The following BBX variants were observed in gnomAD, a reference collection of about 807,000 sequenced individuals.
BBX encodes the protein HMG box transcription factor BBX.
A neutral mutation model predicts 100.2 loss-of-function variants in BBX; 30 were observed. The ratio of observed to expected loss-of-function variants is 0.30; its 90% CI spans 0.22 to 0.41. The LOEUF (loss-of-function observed/expected upper bound fraction) is 0.41, where lower values mean the gene tolerates loss of function less well. Ranked by LOEUF, BBX falls within the 10% of genes least tolerant of loss-of-function variation. The probability of loss-of-function intolerance (pLI) is 1.00; values close to 1 mark genes in which losing one functional copy is unlikely to be tolerated. For synonymous variants in BBX, 376 were observed against 388.1 expected, an observed-to-expected ratio of 0.97 and a Z score of 0.37; for missense variants, 1,023 against 1,129.8, an observed-to-expected ratio of 0.91 and a Z score of 1.35.
rs1446344219 is a variant in BBX at position 107,716,824 on chromosome 3, A to G, written c.380A>G (p.Gln127Arg). Residue 127 changes from glutamine to arginine, a missense_variant, in exon 5 of 18, where the codon CAG (glutamine) becomes CGG (arginine). Gln to Arg is a conservative substitution (Grantham distance 43). Around this residue, in one of 9 missense-constraint regions of BBX, gnomAD observed 229 missense variants for 226.3 expected, o/e 1.01. Transcript: ENST00000325805. The stretch of plus-strand genomic sequence containing the variant: ...GCTGTTCTTGATCCAAAGGAAAAGC[A>G]GAAATACACAGACATGGCCAAGGAG... Reference protein sequence around the residue: ...WWAVLDPKEKQKYTDMAKEYK... With the variant: ...WWAVLDPKEKRKYTDMAKEYK... 13 of 1,613,602 alleles carry G rather than the reference A, an allele frequency of 8.1e-6. No homozygotes were observed. Among genetic ancestry groups the G allele is most frequent in the Non-Finnish European group, 1.1e-5 (13 of 1,179,596 alleles).
At chr3:107,576,427 G>A (rs999142021) in intron 2 of BBX, among the ~76,000 whole-genome samples, 1 of 152,046 alleles carries the variant, frequency 6.6e-6, no homozygotes, top group Admixed American at 6.5e-5. Flanking sequence ...AGAAGATGTT[G>A]TCTGAAAATT....
At chr3:107,548,415 A>G (rs1389997563) in intron 2 of BBX, among the ~76,000 whole-genome samples, 1 of 152,172 alleles carries the variant, frequency 6.6e-6, no homozygotes, top group East Asian at 1.9e-4. Flanking sequence ...TAATTTATGA[A>G]TGAGAAAAAC....
At chr3:107,524,271 A>G (rs1477795635) in intron 1 of BBX, 2 of 152,152 alleles carry the variant, frequency 1.3e-5, no homozygotes, top group African/African-American at 4.8e-5. Context: ...CGATGCCTCT[A>G]GAAAGAGCTC....
At chr3:107,626,496 A>G (rs2056185480) in intron 2 of BBX, among the ~76,000 whole-genome samples, 1 of 152,128 alleles carries the variant, frequency 6.6e-6, no homozygotes, top group African/African-American at 2.4e-5. Flanking sequence ...GTATCTCATG[A>G]AGTACAGTCA....
chr3:107,772,212 A>G (rs1395622626), intron 10 of BBX, among the ~76,000 whole-genome samples: 1 of 152,194 alleles, frequency 6.6e-6, no homozygotes, highest in Non-Finnish European at 1.5e-5. Context: ...ATCCTCTGAG[A>G]TAGGTCCTAG....
intron 3 of BBX, among the ~76,000 whole-genome samples, chr3:107,698,370 A>T (rs1251917063): frequency 6.6e-6 from 1 of 151,762 alleles, no homozygotes; most frequent in Non-Finnish European, 1.5e-5. Flanking sequence ...TCAAAGAGCT[A>T]GGCCAGATGC....
chr3:107,674,672 C>G (rs1255574330), intron 3 of BBX: 1 of 152,622 alleles, frequency 6.6e-6, no homozygotes, highest in Admixed American at 6.5e-5. Context: ...GCTCCCACAG[C>G]AGTTTGTATA....
intron 7 of BBX, among the ~76,000 whole-genome samples, chr3:107,739,285 C>T (rs185020737): frequency 2.0e-5 from 3 of 152,282 alleles, no homozygotes; most frequent in Admixed American, 6.5e-5. Context: ...ACTCCTTGCC[C>T]CAGTTCCTAC....
chr3:107,648,573 C>T (rs2057661961), intron 3 of BBX, among the ~76,000 whole-genome samples: 1 of 151,948 alleles, frequency 6.6e-6, no homozygotes. Flanking sequence ...TAACGGGAGC[C>T]AAATACCTTT....
chr3:107,564,756 T>C (rs962607644), intron 2 of BBX, among the ~76,000 whole-genome samples: 1 of 152,246 alleles, frequency 6.6e-6, no homozygotes, highest in Non-Finnish European at 1.5e-5. Flanking sequence ...GATTGACTTA[T>C]AGCTTTATAA....
intron 3 of BBX, among the ~76,000 whole-genome samples, chr3:107,690,418 C>G (rs1373292183): frequency 2.0e-5 from 3 of 152,082 alleles, no homozygotes; most frequent in African/African-American, 7.2e-5. Flanking sequence ...GTTGGAGATT[C>G]CAATTAGAAA....
chr3:107,700,414 C>CATTATT (rs71113690), intron 3 of BBX, among the ~76,000 whole-genome samples: 21 of 70,102 alleles, frequency 3.0e-4, no homozygotes, highest in African/African-American at 5.8e-4. Flanking sequence ...CTTTCATCAT[C>CATTATT]ATTATTATTA....
chr3:107,548,392 C>T (rs1245998518), intron 2 of BBX, among the ~76,000 whole-genome samples: 1 of 152,060 alleles, frequency 6.6e-6, no homozygotes, highest in Non-Finnish European at 1.5e-5. Context: ...TATAAGCATA[C>T]TATGTGGTCT....
At chr3:107,751,043 A>T (rs1257332566) in intron 9 of BBX, among the ~76,000 whole-genome samples, 1 of 152,220 alleles carries the variant, frequency 6.6e-6, no homozygotes, top group Non-Finnish European at 1.5e-5. Context: ...GTTTCCTATT[A>T]GAGAACCACA....
intron 7 of BBX, 76 bp downstream of exon 7, chr3:107,733,099 T>C: frequency 2.3e-6 from 3 of 1,288,260 alleles, no homozygotes; most frequent in South Asian, 2.6e-5. Flanking sequence ...TTTACGTTGT[T>C]CATTCTGCAT....
At chr3:107,689,563 T>G (rs1470511657) in intron 3 of BBX, among the ~76,000 whole-genome samples, 1 of 152,212 alleles carries the variant, frequency 6.6e-6, no homozygotes, top group Non-Finnish European at 1.5e-5. Flanking sequence ...AGCTGCAGCA[T>G]CAATATTTAC....
At chr3:107,650,818 C>T (rs956957676) in intron 3 of BBX, among the ~76,000 whole-genome samples, 50 of 152,104 alleles carry the variant, frequency 3.3e-4, no homozygotes, top group African/African-American at 1.1e-3. Context: ...AAGTGTCAGA[C>T]TGGGTGGTTT....
intron 3 of BBX, among the ~76,000 whole-genome samples, chr3:107,697,872 G>A (rs542613950): frequency 3.3e-5 from 5 of 152,024 alleles, no homozygotes; most frequent in East Asian, 1.9e-4. Flanking sequence ...ACGACCCTCC[G>A]AGCCAGGTGT....
chr3:107,712,430 G>T (rs1296254759), intron 4 of BBX, among the ~76,000 whole-genome samples: 2 of 152,032 alleles, frequency 1.3e-5, no homozygotes, highest in African/African-American at 2.4e-5. Context: ...ACCTTCTCCT[G>T]CATCTTCCCT....
Sources: allele counts gnomAD v4.1 joint callset (sites outside exome capture counted in the v4.1 genomes callset), GRCh38; gene constraint gnomAD v4.1.1; regional missense constraint gnomAD v4.1.1; transcripts MANE v1.5; gene names NCBI Gene and HGNC (gene_info 2026-07-23, HGNC 2026-07-21).